Variants in LEPR observed in about 807,000 individuals in gnomAD.
LEPR encodes the protein OB receptor.
Under a neutral mutation model 114.7 loss-of-function variants are expected in LEPR, and 56 were observed. That is an observed-to-expected ratio of 0.49 (90% CI 0.39 to 0.61). LEPR has a LOEUF of 0.61. LEPR is among the 20% of genes least tolerant of loss of function. The probability of loss-of-function intolerance (pLI) is 0.00; values close to 1 mark genes in which losing one functional copy is unlikely to be tolerated. For synonymous variants in LEPR, 443 were observed against 461.4 expected, an observed-to-expected ratio of 0.96 and a Z score of 0.51; for missense variants, 1,202 against 1,352.9, an observed-to-expected ratio of 0.89 and a Z score of 1.75.
At chr1:65,494,348 G>A (rs1360081245) in intron 2 of LEPR, among the ~76,000 whole-genome samples, 6 of 151,988 alleles carry the variant, frequency 3.9e-5, no homozygotes, top group African/African-American at 9.7e-5. Flanking sequence ...CAGCATTAGG[G>A]GAAAGTCATT....
intron 2 of LEPR, among the ~76,000 whole-genome samples, chr1:65,467,349 A>G (rs1488392025): frequency 6.6e-6 from 1 of 152,160 alleles, no homozygotes; most frequent in Non-Finnish European, 1.5e-5. Context: ...TTGCCTGGGT[A>G]TCACCAGTGG....
rs1403540603 is a variant in LEPR at position 65,465,901 on chromosome 1, T to C, written c.-21+40523T>C. Among the ~76,000 whole-genome samples the C allele has an allele frequency of 4.6e-5, 7 of 152,352 alleles. No homozygotes were observed. In the East Asian group the frequency reaches 1.3e-3, roughly 29 times the overall value. On this transcript the variant is annotated intron_variant, in intron 2 of 19. Coordinates refer to ENST00000349533, the MANE Select transcript of LEPR (RefSeq NM_002303.6). ...TGGTAGATCTTCCTCCATCCCTTTA[T>C]TTTGAGCCTATGTGTGTCTTTGCAC...
chr1:65,526,343 C>G (rs1649969629), intron 2 of LEPR: 1 of 985,278 alleles, frequency 1.0e-6, no homozygotes, highest in African/African-American at 1.7e-5. Flanking sequence ...GCATCAGCAG[C>G]AAAACCCCAA....
At chr1:65,526,296 C>A in intron 2 of LEPR, 1 of 985,412 alleles carries the variant, frequency 1.0e-6, no homozygotes, top group Non-Finnish European at 1.2e-6. Context: ...CCCACCTCCC[C>A]CCTTCCCTGC....
chr1:65,590,192 A>G (rs949954571), intron 5 of LEPR, among the ~76,000 whole-genome samples: 2 of 143,418 alleles, frequency 1.4e-5, no homozygotes, highest in Non-Finnish European at 3.0e-5. Flanking sequence ...TGTAAATGAT[A>G]TTTTAAAATA....
intron 2 of LEPR, among the ~76,000 whole-genome samples, chr1:65,449,260 C>CTTTTTTTTTTTTTTTTTT (rs201429452): frequency 1.7e-5 from 2 of 118,560 alleles, no homozygotes; most frequent in African/African-American, 6.3e-5. Context: ...TTTTATTTAT[C>CTTTTTTTTTTTTTTTTTT]TTTTTTTTTT....
At chr1:65,513,922 T>A (rs750812441) in intron 2 of LEPR, among the ~76,000 whole-genome samples, 1 of 152,248 alleles carries the variant, frequency 6.6e-6, no homozygotes, top group Non-Finnish European at 1.5e-5. Flanking sequence ...ACAATTTGGA[T>A]AATTTTGTAG....
At chr1:65,465,582 G>C (rs1288738225) in intron 2 of LEPR, among the ~76,000 whole-genome samples, 1 of 152,032 alleles carries the variant, frequency 6.6e-6, no homozygotes, top group Non-Finnish European at 1.5e-5. Context: ...GTTATCCTTG[G>C]TAACCTTCTT....
chr1:65,456,124 C>T (rs952624237), intron 2 of LEPR, among the ~76,000 whole-genome samples: 2 of 152,160 alleles, frequency 1.3e-5, no homozygotes, highest in African/African-American at 4.8e-5. Flanking sequence ...TGAGGCAATG[C>T]CTCGCCCAGC....
chr1:65,456,084 G>T (rs1459458889), intron 2 of LEPR, among the ~76,000 whole-genome samples: 2 of 152,166 alleles, frequency 1.3e-5, no homozygotes, highest in Non-Finnish European at 2.9e-5. Flanking sequence ...ACTAGGAAAG[G>T]AAACTCCCTG....
chr1:65,606,187 G>C (rs1386924156), intron 11 of LEPR, among the ~76,000 whole-genome samples: 1 of 152,020 alleles, frequency 6.6e-6, no homozygotes, highest in African/African-American at 2.4e-5. Context: ...CTTTTTCAAT[G>C]TAAAGTCCCA....
In LEPR at chr1:65,601,903, G is replaced by T. The variant is rs1429760553; in HGVS notation, c.1346G>T (p.Trp449Leu). 3.7e-6 allele frequency: 6 copies of T among 1,613,578 alleles called. No individual in the cohort carries two copies. The highest frequency in any genetic ancestry group is 5.1e-6 in the Non-Finnish European group (6 of 1,179,650). The change falls in exon 10 of 20, where the codon TGG becomes TTG. Residue 449 changes from tryptophan (W) to leucine (L), a missense_variant. Transcript: ENST00000349533. Reference protein sequence around the residue: ...DGYLTKMTCRWSTSTIQSLAE... With the variant: ...DGYLTKMTCRLSTSTIQSLAE... ...TACTTAACTAAAATGACTTGCAGAT[G>T]GTCAACCAGTACAATCCAGTCACTT...
chr1:65,585,865 C>T (rs545858194), intron 5 of LEPR, among the ~76,000 whole-genome samples: 1 of 152,000 alleles, frequency 6.6e-6, no homozygotes, highest in South Asian at 2.1e-4. Context: ...TTCTTAACTT[C>T]TTATACTGAC....
chr1:65,497,806 G>A (rs564945653), intron 2 of LEPR, among the ~76,000 whole-genome samples: 4 of 152,168 alleles, frequency 2.6e-5, no homozygotes, highest in African/African-American at 9.6e-5. Context: ...TCATTCAACT[G>A]CCTTTTGCAT....
intron 2 of LEPR, among the ~76,000 whole-genome samples, chr1:65,460,336 T>G (rs2100369789): frequency 6.6e-6 from 1 of 152,246 alleles, no homozygotes; most frequent in South Asian, 2.1e-4. Flanking sequence ...CTGATTGTCA[T>G]GGCTCTGTAC....
intron 2 of LEPR, among the ~76,000 whole-genome samples, chr1:65,509,698 G>A (rs1648937361): frequency 6.6e-6 from 1 of 152,114 alleles, no homozygotes; most frequent in African/African-American, 2.4e-5. Context: ...GAGTGAAAAG[G>A]AATTAACACA....
intron 2 of LEPR, among the ~76,000 whole-genome samples, chr1:65,456,152 G>A (rs182501679): frequency 5.3e-5 from 8 of 152,214 alleles, no homozygotes; most frequent in Admixed American, 4.6e-4. Context: ...CGTGCACGGT[G>A]CGCGCACCCA....
Position 65,550,200 on chromosome 1 carries a change from G to A in LEPR, c.-20-15346G>A, listed in dbSNP as rs187191702. Among the ~76,000 whole-genome samples the A allele has an allele frequency of 9.1e-3, 1,392 of 152,250 alleles. 24 individuals carry two copies. Among genetic ancestry groups the A allele is most frequent in the African/African-American group, 0.032 (1,329 of 41,542 alleles). ...TTTTGTCTCAGAGGAGTACCCGGCC[G>A]TGGGAGGTGTCGGTCTGCCCCTACT... On this transcript the variant is annotated intron_variant, in intron 2 of 19. Transcript: ENST00000349533.
intron 2 of LEPR, among the ~76,000 whole-genome samples, chr1:65,479,818 A>T (rs921963890): frequency 6.6e-6 from 1 of 152,222 alleles, no homozygotes; most frequent in African/African-American, 2.4e-5. Context: ...TAAGAAGGCA[A>T]TTCCCAGGAA....
Sources: gnomAD v4.1 joint callset for allele counts (sites outside exome capture counted in the v4.1 genomes callset) on GRCh38, gnomAD v4.1.1 for gene constraint, MANE v1.5 for transcripts, NCBI Gene and HGNC (gene_info 2026-07-23, HGNC 2026-07-21) for gene names.